Variants in WDFY3 observed in about 807,000 individuals in gnomAD.
WDFY3 encodes WD repeat and FYVE domain containing 3, also known as WD repeat and FYVE domain-containing protein 3.
A neutral mutation model predicts 409.6 loss-of-function variants in WDFY3; 66 were observed. The ratio of observed to expected loss-of-function variants is 0.16; its 90% CI spans 0.13 to 0.20. The LOEUF (loss-of-function observed/expected upper bound fraction) is 0.20. Among genes scored for constraint, WDFY3 ranks in the 10% least tolerant of loss-of-function variants. The probability of loss-of-function intolerance (pLI) is 1.00; values close to 1 mark genes in which losing one functional copy is unlikely to be tolerated. For synonymous variants in WDFY3, 1,521 were observed against 1,537.1 expected (o/e 0.99, Z 0.25); for missense variants, 3,031 against 4,298.1 (o/e 0.71, Z 8.24).
At position 84,797,793 on chromosome 4, in the gene WDFY3, G is replaced by A. The variant is rs567377048; in HGVS notation, c.2935+203C>T. Among the ~76,000 whole-genome samples the A allele has an allele frequency of 1.4e-4, 21 of 151,824 alleles. No individual in the cohort carries two copies. The South Asian group carries it at 4.2e-3, about 30-fold the overall frequency. On this transcript the variant is annotated intron_variant, in intron 18 of 67. Transcript: ENST00000295888. ...AGAGACGGGGTTTCACCATGGTCTC[G>A]AACTCCCGACCTCGTGATCCGCCCG...
At chr4:84,835,244 C>G (rs1756409563) in intron 7 of WDFY3, among the ~76,000 whole-genome samples, 1 of 152,152 alleles carries the variant, frequency 6.6e-6, no homozygotes, top group Non-Finnish European at 1.5e-5. Flanking sequence ...CCATTTATTA[C>G]CTAAGGCATT....
chr4:84,890,143 A>C (rs535226074), intron 3 of WDFY3, among the ~76,000 whole-genome samples: 1 of 152,146 alleles, frequency 6.6e-6, no homozygotes, highest in African/African-American at 2.4e-5. Flanking sequence ...ACTGTAACTC[A>C]GGCTGGAGTA....
chr4:84,699,722 C>T (rs1017770307), intron 56 of WDFY3, among the ~76,000 whole-genome samples: 2 of 152,056 alleles, frequency 1.3e-5, no homozygotes, highest in African/African-American at 2.4e-5. Flanking sequence ...TGTTGTTTTT[C>T]AGTTCCCCCC....
At chr4:84,930,749 G>T (rs577638088) in intron 2 of WDFY3, among the ~76,000 whole-genome samples, 1 of 152,194 alleles carries the variant, frequency 6.6e-6, no homozygotes, top group South Asian at 2.1e-4. Flanking sequence ...ACAAACTGTG[G>T]ACTATCCAAA....
intron 3 of WDFY3, among the ~76,000 whole-genome samples, chr4:84,867,187 T>C (rs148079826): frequency 5.3e-5 from 8 of 152,334 alleles, no homozygotes; most frequent in African/African-American, 1.7e-4. Flanking sequence ...ACCTTGATCA[T>C]GAAACATTTA....
chr4:84,917,303 C>T (rs901190368), intron 2 of WDFY3, among the ~76,000 whole-genome samples: 1 of 152,146 alleles, frequency 6.6e-6, no homozygotes, highest in African/African-American at 2.4e-5. Context: ...GCCTCGGAGG[C>T]CAGTTGGCCA....
chr4:84,713,386 A>T (rs1028105789), intron 50 of WDFY3, 147 bp from the exon 51 acceptor site: 1 of 646,196 alleles, frequency 1.5e-6, no homozygotes. Context: ...GGAATATATA[A>T]ATTTTGGACT....
In WDFY3 at chr4:84,906,291, T is replaced by G. The variant is rs1767033203; in HGVS notation, c.-131-9281A>C. ...CTCAGAGACAGACGTGTTTCATTTCTTAAAGACCTATGACAAACCTCAAAG... is the reference window on the plus strand; with the variant it reads ...CTCAGAGACAGACGTGTTTCATTTCGTAAAGACCTATGACAAACCTCAAAG... On this transcript the variant is annotated intron_variant, in intron 2 of 67. Transcript: ENST00000295888. Among the ~76,000 whole-genome samples, 3 of 152,192 alleles carry G rather than the reference T, an allele frequency of 2.0e-5. No homozygotes were observed. The South Asian group carries it at 6.2e-4, about 31-fold the overall frequency.
At position 84,690,683 on chromosome 4, in the gene WDFY3, G is replaced by A. The variant is rs779012368; in HGVS notation, c.9205-19C>T. 1 of 1,600,088 alleles carries A rather than the reference G, an allele frequency of 6.2e-7. No homozygotes were observed. ...TCATGGCCTATAAAGTAAAACGGAT[G>A]TGAGACACACATGCCGTTAAGTACT... On this transcript the variant is annotated intron_variant, in intron 60 of 67. Coordinates refer to ENST00000295888, the MANE Select transcript of WDFY3 (RefSeq NM_014991.6).
chr4:84,827,640 C>G (rs189505088), intron 9 of WDFY3, among the ~76,000 whole-genome samples: 1 of 152,140 alleles, frequency 6.6e-6, no homozygotes, highest in Non-Finnish European at 1.5e-5. Flanking sequence ...ATTTTTAAGG[C>G]TCTTAATATC....
At chr4:84,869,134 G>A (rs1349178491) in intron 3 of WDFY3, among the ~76,000 whole-genome samples, 1 of 152,198 alleles carries the variant, frequency 6.6e-6, no homozygotes, top group Non-Finnish European at 1.5e-5. Context: ...GCTCAGGAAT[G>A]AGATGCACTT....
chr4:84,712,297 G>C (rs899870273), intron 51 of WDFY3, among the ~76,000 whole-genome samples: 3 of 150,498 alleles, frequency 2.0e-5, no homozygotes, highest in Non-Finnish European at 4.4e-5. Context: ...AGGAGGCAGA[G>C]GTTGCAGTGA....
chr4:84,758,927 AT>A (rs1474777681), intron 32 of WDFY3, among the ~76,000 whole-genome samples: 1 of 152,102 alleles, frequency 6.6e-6, no homozygotes, highest in Non-Finnish European at 1.5e-5. Flanking sequence ...TAGGGTTTTT[AT>A]GGTTTTAGGT....
intron 26 of WDFY3, 69 bp downstream of exon 26, chr4:84,780,039 A>G: frequency 7.0e-7 from 1 of 1,433,706 alleles, no homozygotes; most frequent in Non-Finnish European, 9.3e-7. Flanking sequence ...AAACAACATG[A>G]ATGATAATAA....
chr4:84,882,874 A>AT (rs367833841), intron 3 of WDFY3, among the ~76,000 whole-genome samples: 1 of 151,856 alleles, frequency 6.6e-6, no homozygotes, highest in Non-Finnish European at 1.5e-5. Flanking sequence ...CATGTGGCTC[A>AT]TTTTTTCAGT....
In WDFY3 at chr4:84,705,527, T is replaced by C. The variant is rs1560564632; in HGVS notation, c.8218-16A>G. 5 of 1,597,170 alleles carry C rather than the reference T, an allele frequency of 3.1e-6. No homozygotes were observed. The highest frequency in any genetic ancestry group is 3.4e-6 in the Non-Finnish European group (4 of 1,164,844). On this transcript the variant is annotated splice_polypyrimidine_tract_variant and intron_variant, in intron 53 of 67. Transcript: ENST00000295888. The stretch of plus-strand genomic sequence containing the variant: ...GATCCACCTCCTAAAATACAAAATG[T>C]AACTCAATTCCAAGTTACTATACAC...
chr4:84,949,675 C>T (rs1773347748), intron 1 of WDFY3, among the ~76,000 whole-genome samples: 1 of 152,160 alleles, frequency 6.6e-6, no homozygotes, highest in Non-Finnish European at 1.5e-5. Context: ...CCAAAATCTA[C>T]TTTTGTTATT....
Position 84,809,909 on chromosome 4 carries a change from C to T in WDFY3, c.2323G>A (p.Val775Ile), listed in dbSNP as rs772995358. The change falls in exon 14 of 68, where the codon GTA becomes ATA. Residue 775 changes from valine to isoleucine, a missense_variant. Physicochemically the swap from Val to Ile is conservative, Grantham distance 29. This residue lies in a region of WDFY3 where 1,322 missense variants were observed against 1,697.9 expected (regional missense o/e 0.78). Transcript: ENST00000295888. ...TACCTGTCAAAAGAATCTGTGGCTA[C>T]TTTGTAAAGATAAATAAAAAGTTTA... ...CSKLFIYLYK[V>I]ATDSFDSRAE... The T allele has an allele frequency of 6.2e-7, 1 of 1,613,800 alleles. No individual in the cohort carries two copies. The highest frequency in any genetic ancestry group is 8.5e-7 in the Non-Finnish European group (1 of 1,179,912).
intron 15 of WDFY3, among the ~76,000 whole-genome samples, chr4:84,804,773 T>C (rs1488015202): frequency 6.6e-6 from 1 of 152,208 alleles, no homozygotes; most frequent in African/African-American, 2.4e-5. Flanking sequence ...TCATTAAACA[T>C]GTTTTCATTG....
Sources: gnomAD v4.1 joint callset for allele counts (sites outside exome capture counted in the v4.1 genomes callset) on GRCh38, gnomAD v4.1.1 for gene constraint, gnomAD v4.1.1 regional missense constraint, MANE v1.5 for transcripts, NCBI Gene and HGNC (gene_info 2026-07-23, HGNC 2026-07-21) for gene names.